Variants in CLDN16 observed in about 807,000 individuals in gnomAD.
The protein encoded by CLDN16 is claudin 16.
CLDN16 carries 13 observed loss-of-function variants against 24.6 expected under a neutral mutation model. That is an observed-to-expected ratio of 0.53 (90% CI 0.34 to 0.84). CLDN16 has a LOEUF of 0.84. Among genes scored for constraint, CLDN16 ranks in the 40% least tolerant of loss-of-function variants. The pLI, the probability that CLDN16 is intolerant of heterozygous loss-of-function variation, is 0.01. For synonymous variants in CLDN16, 116 were observed against 106.7 expected (o/e 1.09, Z -0.54); for missense variants, 298 against 292.7 (o/e 1.02, Z -0.13).
At chr3:190,294,657 G>A in the CLDN16 span, among the ~76,000 whole-genome samples, 2 of 151,744 alleles carry the variant, frequency 1.3e-5, no homozygotes, top group Admixed American at 1.3e-4. Flanking sequence ...AATAAACAAA[G>A]CTTTTATATT....
At chr3:190,343,889 C>A (rs1031885217) in intron 1 of CLDN16, among the ~76,000 whole-genome samples, 1 of 151,884 alleles carries the variant, frequency 6.6e-6, no homozygotes, top group Non-Finnish European at 1.5e-5. Flanking sequence ...GTTGAAAGAT[C>A]TAATGTACAA....
chr3:190,317,406 T>G, the CLDN16 span, among the ~76,000 whole-genome samples: 1 of 152,168 alleles, frequency 6.6e-6, no homozygotes, highest in Non-Finnish European at 1.5e-5. Flanking sequence ...CACCTGAAAG[T>G]AGAATTAAAA....
chr3:190,384,217 G>C (rs1718432970), upstream of CLDN16, among the ~76,000 whole-genome samples: 1 of 152,038 alleles, frequency 6.6e-6, no homozygotes, highest in East Asian at 1.9e-4. Context: ...GGAGTTAGAA[G>C]ACTATTTATA....
At chr3:190,370,320 A>G (rs1560089419) in intron 1 of CLDN16, among the ~76,000 whole-genome samples, 1 of 152,018 alleles carries the variant, frequency 6.6e-6, no homozygotes, top group Non-Finnish European at 1.5e-5. Context: ...ACAGTAAAGT[A>G]AATATTTCCT....
chr3:190,368,114 T>C (rs1718062114), intron 1 of CLDN16, among the ~76,000 whole-genome samples: 1 of 152,002 alleles, frequency 6.6e-6, no homozygotes, highest in Non-Finnish European at 1.5e-5. Context: ...TCATACACTG[T>C]ACAGTTTGAT....
At chr3:190,297,267 A>T in the CLDN16 span, among the ~76,000 whole-genome samples, 1 of 151,716 alleles carries the variant, frequency 6.6e-6, no homozygotes, top group African/African-American at 2.4e-5. Flanking sequence ...TCAACAGAAA[A>T]TGTCCTTAAT....
chr3:190,367,825 T>A (rs1174980025), intron 1 of CLDN16, among the ~76,000 whole-genome samples: 1 of 151,982 alleles, frequency 6.6e-6, no homozygotes, highest in Non-Finnish European at 1.5e-5. Flanking sequence ...TTAATTAATA[T>A]GAAATATAAA....
intron 1 of CLDN16, among the ~76,000 whole-genome samples, chr3:190,357,314 C>G (rs1040863173): frequency 1.3e-5 from 2 of 151,894 alleles, no homozygotes; most frequent in African/African-American, 4.8e-5. Flanking sequence ...CCAGGCCCTT[C>G]TCTAACTGAG....
chr3:190,335,726 A>G (rs1717289728), intron 1 of CLDN16, among the ~76,000 whole-genome samples: 1 of 151,542 alleles, frequency 6.6e-6, no homozygotes. Context: ...AAAAAAAAAA[A>G]AAAAAGGTTT....
chr3:190,377,527 T>G (rs1347754742), intron 3 of CLDN16, among the ~76,000 whole-genome samples: 1 of 151,958 alleles, frequency 6.6e-6, no homozygotes, highest in Non-Finnish European at 1.5e-5. Flanking sequence ...GCAAAACAAC[T>G]CTGTATTTTG....
chr3:190,332,172 G>A (rs539484824), intron 1 of CLDN16, among the ~76,000 whole-genome samples: 1 of 152,218 alleles, frequency 6.6e-6, no homozygotes, highest in African/African-American at 2.4e-5. Flanking sequence ...TATATATTTG[G>A]CAGAGGGAGG....
intron 2 of CLDN16, among the ~76,000 whole-genome samples, chr3:190,374,278 TG>T (rs1467280261): frequency 8.4e-5 from 8 of 95,108 alleles, no homozygotes; most frequent in African/African-American, 2.9e-4. Flanking sequence ...ATTGTGTGTG[TG>T]TGTGTGTGTG....
chr3:190,314,410 T>C, the CLDN16 span, among the ~76,000 whole-genome samples: 5 of 152,202 alleles, frequency 3.3e-5, no homozygotes, highest in East Asian at 5.8e-4. Context: ...TTTTTCTTTT[T>C]TTGAGATAGA....
chr3:190,324,413 G>A (rs1717013203), intron 1 of CLDN16, among the ~76,000 whole-genome samples: 1 of 152,120 alleles, frequency 6.6e-6, no homozygotes, highest in Admixed American at 6.5e-5. Flanking sequence ...AACCCGGGAG[G>A]CGGAGGTGGC....
the CLDN16 span, among the ~76,000 whole-genome samples, chr3:190,301,202 G>A: frequency 1.3e-5 from 2 of 151,976 alleles, no homozygotes; most frequent in East Asian, 1.9e-4. Context: ...ATGTTAAGAC[G>A]ACTATGTCCA....
At chr3:190,409,485 A>T (rs1719214505) in intron 4 of CLDN16, among the ~76,000 whole-genome samples, 1 of 151,994 alleles carries the variant, frequency 6.6e-6, no homozygotes, top group South Asian at 2.1e-4. Flanking sequence ...TTTTCTATAT[A>T]TATATATTTT....
intron 1 of CLDN16, among the ~76,000 whole-genome samples, chr3:190,369,866 G>T (rs1319530191): frequency 6.6e-6 from 1 of 151,896 alleles, no homozygotes; most frequent in Non-Finnish European, 1.5e-5. Flanking sequence ...TTTGTTGCAG[G>T]GAGGAACTAA....
intron 1 of CLDN16, among the ~76,000 whole-genome samples, chr3:190,370,123 T>C (rs904728560): frequency 6.6e-6 from 1 of 151,964 alleles, no homozygotes; most frequent in African/African-American, 2.4e-5. Flanking sequence ...ACTGGAATTG[T>C]CACTAGCATT....
chr3:190,363,572 ATATATATATATATATATATATATATT>A (rs1717951841), intron 1 of CLDN16, among the ~76,000 whole-genome samples: 4 of 130,870 alleles, frequency 3.1e-5, no homozygotes, highest in African/African-American at 1.1e-4. Flanking sequence ...ATATATATAT[ATATATATATATATATATATATATATT>A]TTCTTTCTCC....
Sources: allele counts gnomAD v4.1 joint callset (sites outside exome capture counted in the v4.1 genomes callset), GRCh38; gene constraint gnomAD v4.1.1; transcripts MANE v1.5; gene names NCBI Gene and HGNC (gene_info 2026-07-23, HGNC 2026-07-21).